GLMN: variants seen among roughly 807,000 people sequenced by gnomAD.
GLMN encodes the protein glomulin, FKBP associated protein, also known as glomulin.
In GLMN, 75 loss-of-function variants were observed where a neutral mutation model predicts 87.8. The observed-to-expected ratio is 0.85, with a 90% confidence interval of 0.71 to 1.04. The LOEUF (loss-of-function observed/expected upper bound fraction) is 1.04. GLMN is among the 50% of genes least tolerant of loss of function. GLMN has a pLI of 0.00. For synonymous variants in GLMN, 206 were observed against 221.6 expected (o/e 0.93, Z 0.63); for missense variants, 588 against 658.8 (o/e 0.89, Z 1.18).
At chr1:92,249,267 CT>C (rs59926635) in intron 16 of GLMN, among the ~76,000 whole-genome samples, 7,889 of 108,332 alleles carry the variant, frequency 0.073, 490 homozygotes, top group African/African-American at 0.2. Flanking sequence ...GATTACTATT[CT>C]TTTTTTTTTT....
At chr1:92,255,174 T>G (rs924772255) in intron 16 of GLMN, among the ~76,000 whole-genome samples, 2 of 151,334 alleles carry the variant, frequency 1.3e-5, no homozygotes, top group African/African-American at 4.8e-5. Context: ...GGGCATTACA[T>G]AATGGTAAAG....
chr1:92,260,211 GC>G (rs1365742785), intron 16 of GLMN, among the ~76,000 whole-genome samples: 10 of 152,304 alleles, frequency 6.6e-5, no homozygotes, highest in African/African-American at 1.9e-4. Flanking sequence ...GAGGCTGCCA[GC>G]TTGGACTGGG....
chr1:92,299,715 A>G (rs1340895449), upstream of GLMN, among the ~76,000 whole-genome samples: 2 of 152,212 alleles, frequency 1.3e-5, no homozygotes, highest in Non-Finnish European at 2.9e-5. Flanking sequence ...CAATTTGCAA[A>G]AACAAATTGC....
chr1:92,302,663 G>T (rs1446777983), upstream of GLMN, among the ~76,000 whole-genome samples: 1 of 137,638 alleles, frequency 7.3e-6, no homozygotes, highest in East Asian at 2.1e-4. Flanking sequence ...GTGCAGTGGC[G>T]GGATCTCTGC....
chr1:92,252,431 C>T (rs1334809084), intron 16 of GLMN, among the ~76,000 whole-genome samples: 2 of 152,122 alleles, frequency 1.3e-5, no homozygotes, highest in Non-Finnish European at 2.9e-5. Flanking sequence ...TAAATAGTCA[C>T]ATGTGTCTAC....
intron 5 of GLMN, 25 bp downstream of exon 5, chr1:92,290,173 A>T: frequency 8.2e-7 from 1 of 1,222,316 alleles, no homozygotes; most frequent in Non-Finnish European, 1.2e-6. Flanking sequence ...AACAAGAAGT[A>T]CTCTGATATC....
intron 5 of GLMN, among the ~76,000 whole-genome samples, chr1:92,289,895 G>C (rs150852950): frequency 3.7e-4 from 56 of 152,274 alleles, no homozygotes; most frequent in African/African-American, 1.3e-3. Flanking sequence ...AACATGTTTA[G>C]AGAGAAAATT....
intron 7 of GLMN, among the ~76,000 whole-genome samples, chr1:92,272,747 T>C (rs1656368748): frequency 6.6e-6 from 1 of 152,186 alleles, no homozygotes; most frequent in Non-Finnish European, 1.5e-5. Context: ...CATCCTTGCA[T>C]GAGTGGGTAG....
At chr1:92,292,468 T>A (rs555872588) in intron 3 of GLMN, among the ~76,000 whole-genome samples, 749 of 152,042 alleles carry the variant, frequency 4.9e-3, no homozygotes, top group African/African-American at 0.017. Context: ...TGGAGTGCAG[T>A]GGCGCTGTCC....
chr1:92,323,469 G>A, the GLMN span: 12 of 1,607,758 alleles, frequency 7.5e-6, no homozygotes, highest in Non-Finnish European at 9.4e-6. Flanking sequence ...AAGAAGTACA[G>A]TTATGCAGTA....
intron 7 of GLMN, among the ~76,000 whole-genome samples, chr1:92,283,157 T>C (rs1220273245): frequency 6.6e-6 from 1 of 152,128 alleles, no homozygotes; most frequent in Non-Finnish European, 1.5e-5. Context: ...TACCAAAGCC[T>C]GGCAGAGACA....
At chr1:92,258,684 A>G (rs1654590632) in intron 16 of GLMN, among the ~76,000 whole-genome samples, 1 of 152,190 alleles carries the variant, frequency 6.6e-6, no homozygotes, top group African/African-American at 2.4e-5. Flanking sequence ...GTTCTCACTC[A>G]TAAGTAGGAG....
At chr1:92,278,638 T>C (rs529787386) in intron 7 of GLMN, among the ~76,000 whole-genome samples, 1 of 152,158 alleles carries the variant, frequency 6.6e-6, no homozygotes, top group Non-Finnish European at 1.5e-5. Context: ...TGGGAATACA[T>C]CTGTTCTCCT....
chr1:92,320,701 A>G, the GLMN span: 2 of 1,258,530 alleles, frequency 1.6e-6, no homozygotes, highest in East Asian at 4.7e-5. Context: ...GGAGTGAACC[A>G]GGTGATATGA....
chr1:92,341,936 C>T, the GLMN span, among the ~76,000 whole-genome samples: 1 of 152,248 alleles, frequency 6.6e-6, no homozygotes, highest in African/African-American at 2.4e-5. Flanking sequence ...AGCCAACACA[C>T]CTGGCCAGGA....
At chr1:92,369,450 G>A in the GLMN span, among the ~76,000 whole-genome samples, 22 of 152,204 alleles carry the variant, frequency 1.4e-4, no homozygotes, top group South Asian at 2.1e-4. Flanking sequence ...GACTTCAGGC[G>A]TGCACCTCCA....
intron 7 of GLMN, among the ~76,000 whole-genome samples, chr1:92,282,783 G>A (rs1338261080): frequency 6.6e-6 from 1 of 152,132 alleles, no homozygotes; most frequent in African/African-American, 2.4e-5. Flanking sequence ...AATAAAAAAT[G>A]ATAAAGGGGA....
At chr1:92,315,555 G>A in the GLMN span, among the ~76,000 whole-genome samples, 2 of 152,210 alleles carry the variant, frequency 1.3e-5, no homozygotes, top group Non-Finnish European at 2.9e-5. Flanking sequence ...AACAAGGTAT[G>A]CTTGTGTAAA....
intron 16 of GLMN, among the ~76,000 whole-genome samples, chr1:92,253,783 A>T (rs1653851311): frequency 6.6e-6 from 1 of 152,202 alleles, no homozygotes. Context: ...AACAGCAAAG[A>T]CCAAAGGTAG....
Sources: allele counts gnomAD v4.1 joint callset (sites outside exome capture counted in the v4.1 genomes callset), GRCh38; gene constraint gnomAD v4.1.1; transcripts MANE v1.5; gene names NCBI Gene and HGNC (gene_info 2026-07-23, HGNC 2026-07-21).